ODR4: variants seen among roughly 807,000 people sequenced by gnomAD.
The protein encoded by ODR4 is odr-4 GPCR localization factor homolog, also known as protein odr-4 homolog.
Under a neutral mutation model 60.2 loss-of-function variants are expected in ODR4, and 47 were observed. The ratio of observed to expected loss-of-function variants is 0.78; its 90% confidence interval spans 0.62 to 1.00. The LOEUF is 1.00. Ranked by LOEUF, ODR4 falls within the 50% of genes least tolerant of loss-of-function variation. The pLI is 0.00. For synonymous variants in ODR4, 178 were observed against 175.5 expected (o/e 1.01, Z -0.11); for missense variants, 488 against 530.8 (o/e 0.92, Z 0.79).
At chr1:186,403,863 C>G (rs1422695118) in intron 11 of ODR4, among the ~76,000 whole-genome samples, 1 of 152,094 alleles carries the variant, frequency 6.6e-6, no homozygotes, top group Non-Finnish European at 1.5e-5. Flanking sequence ...TTGCCCATCC[C>G]CACATCAGTA....
chr1:186,427,997 C>A, the ODR4 span, among the ~76,000 whole-genome samples: 1 of 152,198 alleles, frequency 6.6e-6, no homozygotes, highest in African/African-American at 2.4e-5. Context: ...ATTGGTAGAG[C>A]ATGGACAAAG....
At chr1:186,402,687 A>G (rs1182163861) in intron 11 of ODR4, among the ~76,000 whole-genome samples, 2 of 151,998 alleles carry the variant, frequency 1.3e-5, no homozygotes, top group Middle Eastern at 3.2e-3. Context: ...TCCTGGCTGT[A>G]AGGGATCTTC....
At chr1:186,390,312 C>T (rs796135984) in intron 6 of ODR4, among the ~76,000 whole-genome samples, 1 of 152,310 alleles carries the variant, frequency 6.6e-6, no homozygotes, top group African/African-American at 2.4e-5. Flanking sequence ...AGTAACTTTG[C>T]AGTGTCATTA....
downstream of ODR4, among the ~76,000 whole-genome samples, chr1:186,425,422 A>G (rs1169309293): frequency 6.6e-6 from 1 of 152,198 alleles, no homozygotes; most frequent in Non-Finnish European, 1.5e-5. Flanking sequence ...TTCTGGGAGC[A>G]CAGAATGTAT....
chr1:186,380,792 C>G (rs572602164), intron 2 of ODR4, among the ~76,000 whole-genome samples: 2 of 152,316 alleles, frequency 1.3e-5, no homozygotes, highest in Non-Finnish European at 2.9e-5. Flanking sequence ...TATTCCCAAG[C>G]TACTTTCTTT....
intron 11 of ODR4, among the ~76,000 whole-genome samples, chr1:186,402,189 T>TCTTTCTTTCTTTCTTTCTTTCTTC (rs1660992298): frequency 1.5e-5 from 2 of 130,834 alleles, no homozygotes; most frequent in African/African-American, 6.4e-5. Flanking sequence ...GGCATCCTAT[T>TCTTTCTTTCTTTCTTTCTTTCTTC]CTTTCTTTCT....
the ODR4 span, among the ~76,000 whole-genome samples, chr1:186,427,502 T>C: frequency 6.6e-6 from 1 of 152,216 alleles, no homozygotes; most frequent in African/African-American, 2.4e-5. Flanking sequence ...TCTAGTTCTT[T>C]TGCTAATTCT....
chr1:186,411,782 G>A (rs1661390388), intron 12 of ODR4: 1 of 667,630 alleles, frequency 1.5e-6, no homozygotes, highest in Admixed American at 6.3e-5. Context: ...ATTATTTACT[G>A]TCTATATTTC....
the ODR4 span, among the ~76,000 whole-genome samples, chr1:186,432,604 A>G: frequency 2.1e-3 from 319 of 152,170 alleles, 2 homozygotes; most frequent in Non-Finnish European, 1.7e-3. Context: ...ATTCTGGTAA[A>G]TTATATTTTT....
At chr1:186,417,969 T>C (rs1304749466) in intron 13 of ODR4, among the ~76,000 whole-genome samples, 2 of 152,196 alleles carry the variant, frequency 1.3e-5, no homozygotes, top group Admixed American at 6.5e-5. Flanking sequence ...AGAATTACTA[T>C]TGCAGGAGAT....
At chr1:186,411,814 A>T (rs1440653912) in intron 12 of ODR4, 33 of 942,808 alleles carry the variant, frequency 3.5e-5, no homozygotes, top group Non-Finnish European at 4.2e-5. Flanking sequence ...CTGACAGTCT[A>T]GTATAGAGAT....
In ODR4 at chr1:186,420,899, A is replaced by AT. The variant is rs1661749363; in HGVS notation, c.*1824dup. The AT allele has an allele frequency of 1.3e-5, 2 of 152,198 alleles. No homozygotes were observed. The highest frequency in any genetic ancestry group is 1.3e-4 in the Admixed American group (2 of 15,288). The allele number at this position is 152,198 out of a possible 1,614,324, so 9.4% of individuals were successfully genotyped here. A position where few individuals can be genotyped will look rare whatever the true frequency, so the allele number is the denominator to read the frequency against. On this transcript the variant is annotated 3_prime_UTR_variant, in exon 14 of 14. Coordinates refer to ENST00000287859, the MANE Select transcript of ODR4 (RefSeq NM_017847.6). ...TGAATTCATAAATTCAGGAAGCACA[A>AT]TATATACCAAACATATATTTAAATA...
Position 186,406,243 on chromosome 1 carries a change from G to A in ODR4, c.1161G>A (p.Leu387=). The A allele has an allele frequency of 6.2e-7, 1 of 1,604,494 alleles. No homozygotes were observed. Among genetic ancestry groups the A allele is most frequent in the Non-Finnish European group, 8.5e-7 (1 of 1,176,076 alleles). The change falls in exon 12 of 14, where the codon TTG becomes TTA. Residue 387 remains leucine, a synonymous_variant. Transcript: ENST00000287859. ...ATCACACAATTCAAATAGAAGATTT[G>A]GAAATTGCAGAGGAAACAAACACAG... ...MLDHTIQIED[L]EIAEETNTAC...
intron 1 of ODR4, among the ~76,000 whole-genome samples, chr1:186,377,085 T>C (rs1359198772): frequency 6.6e-6 from 1 of 152,222 alleles, no homozygotes; most frequent in Non-Finnish European, 1.5e-5. Context: ...CTCCAGTTCC[T>C]TATATTAAAT....
chr1:186,417,338 T>C (rs1661611692), intron 12 of ODR4: 2 of 470,688 alleles, frequency 4.2e-6, no homozygotes, highest in South Asian at 5.0e-5. Flanking sequence ...TAAAGCTACA[T>C]TGTTTTGAAA....
At chr1:186,381,332 C>CTTTTTTTTTTTTTTTTTTTTTTTTTTTT (rs752239468) in intron 2 of ODR4, among the ~76,000 whole-genome samples, 1 of 144,600 alleles carries the variant, frequency 6.9e-6, no homozygotes, top group African/African-American at 2.5e-5. Context: ...GGCCTTCCTT[C>CTTTTTTTTTTTTTTTTTTTTTTTTTTTT]TTTTTTTTTT....
At position 186,419,304 on chromosome 1, in the gene ODR4, G is replaced by C. The variant is rs1289269374; in HGVS notation, c.*228G>C. ...CAGAAATAACGTTATGCATCTAGAT[G>C]GAAGCTGCATGTAACAAATCATTAT... On this transcript the variant is annotated 3_prime_UTR_variant, in exon 14 of 14. Transcript: ENST00000287859. 3 of 536,932 alleles carry C rather than the reference G, an allele frequency of 5.6e-6. No homozygotes were observed. In the African/African-American group the frequency reaches 5.7e-5, roughly 10 times the overall value. The allele number at this position is 536,932 out of a possible 1,614,324, so 33.3% of individuals were successfully genotyped here. A position where few individuals can be genotyped will look rare whatever the true frequency, so the allele number is the denominator to read the frequency against.
Position 186,376,328 on chromosome 1 carries a change from T to G in ODR4, c.-20+354T>G, listed in dbSNP as rs1240695246. Reference sequence around the variant, plus strand: ...TGAAAACTGTTGTAACTGAAGTTTTTAAACACATTGTTAATTTCTACAGTA... The same window carrying G: ...TGAAAACTGTTGTAACTGAAGTTTTGAAACACATTGTTAATTTCTACAGTA... On this transcript the variant is annotated intron_variant, in intron 1 of 13. Coordinates refer to ENST00000287859, the MANE Select transcript of ODR4 (RefSeq NM_017847.6). Among the ~76,000 whole-genome samples, 3 of 152,350 alleles carry G rather than the reference T, an allele frequency of 2.0e-5. No individual in the cohort carries two copies. In the East Asian group the frequency reaches 5.8e-4, roughly 29 times the overall value.
At chr1:186,402,873 T>C (rs768021308) in intron 11 of ODR4, among the ~76,000 whole-genome samples, 4 of 152,162 alleles carry the variant, frequency 2.6e-5, no homozygotes, top group Non-Finnish European at 5.9e-5. Context: ...TGAGCCACTA[T>C]GAATGGCCCC....
Sources: gnomAD v4.1 joint callset for allele counts (sites outside exome capture counted in the v4.1 genomes callset) on GRCh38, gnomAD v4.1.1 for gene constraint, MANE v1.5 for transcripts, NCBI Gene and HGNC (gene_info 2026-07-23, HGNC 2026-07-21) for gene names.